ACYP2: variants seen among roughly 807,000 people sequenced by gnomAD.
ACYP2 encodes the protein acylphosphatase-2.
Under a neutral mutation model 11.2 loss-of-function variants are expected in ACYP2, and 12 were observed. The ratio of observed to expected loss-of-function variants is 1.08; its 90% CI spans 0.69 to 1.74. The LOEUF (loss-of-function observed/expected upper bound fraction) is 1.74, where lower values mean the gene tolerates loss of function less well. Among genes scored for constraint, ACYP2 ranks in the 40% most tolerant of loss-of-function variants. The pLI is 0.00. For missense variants in ACYP2, 134 were observed against 101.9 expected (o/e 1.31, Z -1.35); for synonymous variants, 43 against 32.2 (o/e 1.33, Z -1.13).
At chr2:54,254,582 T>G (rs528545944) in intron 6 of ACYP2, 214 of 239,420 alleles carry the variant, frequency 8.9e-4, no homozygotes, top group African/African-American at 4.6e-3. Context: ...GAAATCCAAG[T>G]AGGAGGAGCC....
chr2:54,065,424 G>C (rs1402053796), intron 4 of ACYP2: 2 of 398,374 alleles, frequency 5.0e-6, no homozygotes, highest in African/African-American at 4.1e-5. Context: ...AAACTTGTTG[G>C]AGTTGGATGA....
At chr2:54,143,765 G>C (rs57274487) in intron 6 of ACYP2, among the ~76,000 whole-genome samples, 8,559 of 125,760 alleles carry the variant, frequency 0.068, 727 homozygotes, top group East Asian at 0.33. Context: ...TTTGGGGGGG[G>C]GGTATTCTAT....
intron 2 of ACYP2, among the ~76,000 whole-genome samples, chr2:53,980,285 G>C (rs1050596966): frequency 6.6e-6 from 1 of 152,036 alleles, no homozygotes; most frequent in African/African-American, 2.4e-5. Context: ...CCTGGGAGGT[G>C]GAAGCTGTAG....
chr2:54,180,963 G>T (rs1175322668), intron 6 of ACYP2, among the ~76,000 whole-genome samples: 1 of 152,134 alleles, frequency 6.6e-6, no homozygotes, highest in Non-Finnish European at 1.5e-5. Context: ...CTCACATTGG[G>T]CATTGGATTT....
At chr2:54,252,524 C>CT (rs1246742095) in intron 6 of ACYP2, among the ~76,000 whole-genome samples, 1 of 151,998 alleles carries the variant, frequency 6.6e-6, no homozygotes, top group Non-Finnish European at 1.5e-5. Flanking sequence ...TTTGGTATCT[C>CT]TGTTATTTTC....
rs112798436 is a variant in ACYP2, at chr2:54,070,898, ATTTGTTTGTTTG to A, written c.277+13558_277+13569del. Among the ~76,000 whole-genome samples the A allele has an allele frequency of 2.7e-5, 4 of 150,170 alleles. No individual in the cohort carries two copies. In the South Asian group the frequency reaches 6.3e-4, roughly 24 times the overall value. ...TAGGTATGTGCCACCACACCCAGCT[ATTTGTTTGTTTG>A]TTTGTTTGTTTGTTTGTTTTTTTCA... On this transcript the variant is annotated intron_variant, in intron 4 of 6. Coordinates refer to ENST00000607452, the MANE Select transcript of ACYP2 (RefSeq NM_001320586.2).
chr2:54,240,092 G>A (rs1686667945), intron 6 of ACYP2, among the ~76,000 whole-genome samples: 1 of 152,166 alleles, frequency 6.6e-6, no homozygotes, highest in South Asian at 2.1e-4. Flanking sequence ...TTAGAGCTCT[G>A]TAACCATCTT....
intron 2 of ACYP2, among the ~76,000 whole-genome samples, chr2:53,998,455 AGT>A (rs1236623413): frequency 6.6e-6 from 1 of 152,230 alleles, no homozygotes; most frequent in Admixed American, 6.5e-5. Context: ...TGGTTGGGAA[AGT>A]GTCTGGGTAG....
chr2:54,044,747 T>A (rs1419314314), intron 2 of ACYP2, among the ~76,000 whole-genome samples: 1 of 151,456 alleles, frequency 6.6e-6, no homozygotes, highest in African/African-American at 2.4e-5. Flanking sequence ...GACACCACCA[T>A]TTTTTTTTCT....
chr2:54,115,786 A>C (rs1349057147), intron 4 of ACYP2, 30 bp downstream of exon 1: 1 of 1,580,126 alleles, frequency 6.3e-7, no homozygotes, highest in Non-Finnish European at 8.6e-7. Context: ...TGGGAGATCA[A>C]AAAGGTTATG....
At chr2:54,075,657 G>A (rs1677299198) in intron 4 of ACYP2, among the ~76,000 whole-genome samples, 2 of 151,506 alleles carry the variant, frequency 1.3e-5, no homozygotes, top group South Asian at 4.2e-4. Context: ...TACTAATAAT[G>A]CAAAAATTAG....
At chr2:54,084,270 A>T (rs1677827335) in intron 4 of ACYP2, among the ~76,000 whole-genome samples, 1 of 152,106 alleles carries the variant, frequency 6.6e-6, no homozygotes, top group Non-Finnish European at 1.5e-5. Flanking sequence ...TGCAAATCTT[A>T]GTATTCAGTT....
At chr2:54,238,001 C>T (rs1280247146) in intron 6 of ACYP2, among the ~76,000 whole-genome samples, 3 of 152,100 alleles carry the variant, frequency 2.0e-5, no homozygotes, top group African/African-American at 7.2e-5. Context: ...CTTCTTACTC[C>T]TAGATTTTTA....
At chr2:54,154,729 A>C (rs1230929310) in intron 6 of ACYP2, among the ~76,000 whole-genome samples, 1 of 152,000 alleles carries the variant, frequency 6.6e-6, no homozygotes, top group African/African-American at 2.4e-5. Flanking sequence ...TTGGCCTGTA[A>C]TTTTCTTTTC....
At chr2:54,075,525 A>AAT (rs1340580431) in intron 4 of ACYP2, among the ~76,000 whole-genome samples, 5 of 151,684 alleles carry the variant, frequency 3.3e-5, no homozygotes, top group African/African-American at 1.2e-4. Context: ...GAAAGAAAAA[A>AAT]AAAAAGGGTG....
At chr2:54,207,500 C>G (rs1175676007) in intron 6 of ACYP2, among the ~76,000 whole-genome samples, 1 of 152,094 alleles carries the variant, frequency 6.6e-6, no homozygotes, top group South Asian at 2.1e-4. Flanking sequence ...ATCATATCTA[C>G]AAAATACTTT....
At chr2:54,028,424 C>G (rs1410382130) in intron 2 of ACYP2, among the ~76,000 whole-genome samples, 1 of 152,190 alleles carries the variant, frequency 6.6e-6, no homozygotes, top group Non-Finnish European at 1.5e-5. Flanking sequence ...GGCAATTCCC[C>G]TCAGCCTCCT....
chr2:54,293,944 T>A (rs945429016), intron 6 of ACYP2, among the ~76,000 whole-genome samples: 1 of 152,246 alleles, frequency 6.6e-6, no homozygotes, highest in Admixed American at 6.5e-5. Context: ...AAAAATGTTA[T>A]ATATTATCCT....
intron 2 of ACYP2, among the ~76,000 whole-genome samples, chr2:54,047,958 C>G (rs770724047): frequency 2.7e-4 from 41 of 152,230 alleles, no homozygotes; most frequent in Middle Eastern, 6.8e-3. Flanking sequence ...AGTTCTTTCC[C>G]CCAGCCAAGG....
Sources: allele counts gnomAD v4.1 joint callset (sites outside exome capture counted in the v4.1 genomes callset), GRCh38; gene constraint gnomAD v4.1.1; transcripts MANE v1.5; gene names NCBI Gene and HGNC (gene_info 2026-07-23, HGNC 2026-07-21).